Variants in RANBP2 observed in about 807,000 individuals in gnomAD.
The protein encoded by RANBP2 is E3 SUMO-protein ligase RanBP2.
RANBP2 carries 57 observed loss-of-function variants against 303.6 expected under a neutral mutation model. The observed-to-expected ratio is 0.19, with a 90% confidence interval of 0.15 to 0.23. The LOEUF (loss-of-function observed/expected upper bound fraction) is 0.23. Ranked by LOEUF, RANBP2 falls within the 10% of genes least tolerant of loss-of-function variation. The pLI is 1.00. For missense variants in RANBP2, 3,138 were observed against 3,780.8 expected, an observed-to-expected ratio of 0.83 and a Z score of 4.46; for synonymous variants, 1,167 against 1,301.5, an observed-to-expected ratio of 0.90 and a Z score of 2.23.
the RANBP2 span, among the ~76,000 whole-genome samples, chr2:109,678,201 CT>C: frequency 6.6e-6 from 1 of 152,340 alleles, no homozygotes; most frequent in Non-Finnish European, 1.5e-5. Flanking sequence ...AAAGATCTTT[CT>C]GTCTCAGCTC....
chr2:109,064,435 G>C, the RANBP2 span, among the ~76,000 whole-genome samples: 1 of 107,350 alleles, frequency 9.3e-6, no homozygotes, highest in East Asian at 3.1e-4. Context: ...CAGCCTGGGT[G>C]ACAGAGCAAG....
At chr2:109,275,740 C>G in the RANBP2 span, among the ~76,000 whole-genome samples, 5 of 152,306 alleles carry the variant, frequency 3.3e-5, 2 homozygotes, top group Middle Eastern at 0.01. Flanking sequence ...CCCTTCCTCT[C>G]CCGGACAGCC....
chr2:109,094,887 C>T, the RANBP2 span, among the ~76,000 whole-genome samples: 2 of 152,100 alleles, frequency 1.3e-5, no homozygotes, highest in African/African-American at 4.8e-5. Context: ...GAAAAATAAG[C>T]ACTAAATCAA....
the RANBP2 span, among the ~76,000 whole-genome samples, chr2:109,564,882 T>A: frequency 6.6e-6 from 1 of 152,354 alleles, no homozygotes; most frequent in African/African-American, 2.4e-5. Flanking sequence ...CCTGAAGACA[T>A]TTCACATAAT....
the RANBP2 span, among the ~76,000 whole-genome samples, chr2:108,812,319 T>G: frequency 6.6e-6 from 1 of 152,160 alleles, no homozygotes; most frequent in Admixed American, 6.5e-5. Flanking sequence ...ATACTTTTCT[T>G]TATATGTGTT....
the RANBP2 span, among the ~76,000 whole-genome samples, chr2:108,885,843 A>AT: frequency 1.3e-5 from 2 of 152,220 alleles, no homozygotes; most frequent in African/African-American, 4.8e-5. Context: ...GCTTCCACAT[A>AT]TAAGTGGAAA....
chr2:109,374,886 G>A, the RANBP2 span, among the ~76,000 whole-genome samples: 6 of 152,296 alleles, frequency 3.9e-5, no homozygotes, highest in East Asian at 5.8e-4. Context: ...CTAAGCCCAC[G>A]GTGGACCTCA....
the RANBP2 span, among the ~76,000 whole-genome samples, chr2:109,495,927 A>C: frequency 6.6e-6 from 1 of 152,240 alleles, no homozygotes; most frequent in Non-Finnish European, 1.5e-5. Context: ...CAACAATAAT[A>C]ATATATGCTA....
At chr2:109,709,306 CAAAAA>C in the RANBP2 span, among the ~76,000 whole-genome samples, 1 of 42,384 alleles carries the variant, frequency 2.4e-5, no homozygotes, top group African/African-American at 5.1e-5. Flanking sequence ...AACTGTGTCT[CAAAAA>C]TAAAATAAAA....
the RANBP2 span, among the ~76,000 whole-genome samples, chr2:108,877,348 C>T: frequency 0.022 from 3,340 of 151,974 alleles, 62 homozygotes; most frequent in Non-Finnish European, 0.036. Context: ...CACCTGTGAT[C>T]CTAGCTACTC....
intron 23 of RANBP2, among the ~76,000 whole-genome samples, chr2:108,774,087 T>C (rs1251631454): frequency 3.3e-5 from 5 of 152,256 alleles, no homozygotes; most frequent in African/African-American, 1.2e-4. Context: ...TTTTTAACTA[T>C]TGATACAATC....
chr2:108,893,745 C>T, the RANBP2 span, among the ~76,000 whole-genome samples: 1,600 of 152,234 alleles, frequency 0.011, 12 homozygotes, highest in Non-Finnish European at 0.016. Flanking sequence ...CACAAAGACT[C>T]CTGCAAGGAC....
chr2:108,730,626 T>G, intron 2 of RANBP2, 148 bp from the exon 3 acceptor site: 1 of 1,134,194 alleles, frequency 8.8e-7, no homozygotes, highest in Non-Finnish European at 1.3e-6. Context: ...CTATGAGTAC[T>G]TCTGAGTTAT....
At chr2:109,374,621 G>A in the RANBP2 span, among the ~76,000 whole-genome samples, 5 of 152,186 alleles carry the variant, frequency 3.3e-5, no homozygotes, top group Admixed American at 1.3e-4. Context: ...GCACAGTCCC[G>A]GTGATGCTTG....
the RANBP2 span, among the ~76,000 whole-genome samples, chr2:108,970,840 C>T: frequency 6.6e-6 from 1 of 152,192 alleles, no homozygotes; most frequent in Non-Finnish European, 1.5e-5. Flanking sequence ...AGCAGGCTCA[C>T]TAAACAAATG....
chr2:109,368,219 C>A, the RANBP2 span, among the ~76,000 whole-genome samples: 1 of 152,066 alleles, frequency 6.6e-6, no homozygotes, highest in Non-Finnish European at 1.5e-5. Context: ...TCTCATGTAT[C>A]CTGCAAGTAT....
At chr2:109,599,393 G>A in the RANBP2 span, among the ~76,000 whole-genome samples, 6 of 151,552 alleles carry the variant, frequency 4.0e-5, no homozygotes, top group Middle Eastern at 3.4e-3. Context: ...AGGAGGCGGA[G>A]GTTGCAGTGA....
the RANBP2 span, among the ~76,000 whole-genome samples, chr2:109,477,119 A>G: frequency 5.3e-5 from 8 of 152,176 alleles, no homozygotes; most frequent in Non-Finnish European, 1.0e-4. Context: ...CCCCTACTCA[A>G]GATGGAGTTG....
chr2:109,296,221 C>CTATTATTATTATTATTAT, the RANBP2 span, among the ~76,000 whole-genome samples: 19 of 151,430 alleles, frequency 1.3e-4, no homozygotes, highest in African/African-American at 4.1e-4. Flanking sequence ...ACAGAATGAC[C>CTATTATTATTATTATTAT]TAGTATTATT....
Sources: gnomAD v4.1 joint callset for allele counts (sites outside exome capture counted in the v4.1 genomes callset) on GRCh38, gnomAD v4.1.1 for gene constraint, MANE v1.5 for transcripts, NCBI Gene and HGNC (gene_info 2026-07-23, HGNC 2026-07-21) for gene names.